Variants in CALCOCO1 observed in about 807,000 individuals in gnomAD.
CALCOCO1 encodes the protein calcium-binding and coiled-coil domain-containing protein 1.
Under a neutral mutation model 86.3 loss-of-function variants are expected in CALCOCO1, and 44 were observed. That is an observed-to-expected ratio of 0.51 (90% CI 0.40 to 0.66). The LOEUF (loss-of-function observed/expected upper bound fraction) is 0.66. CALCOCO1 is among the 30% of genes least tolerant of loss of function. CALCOCO1 has a pLI of 0.00. For missense variants in CALCOCO1, 708 were observed against 851.1 expected (o/e 0.83, Z 2.09); for synonymous variants, 297 against 327.6 (o/e 0.91, Z 1.01).
intron 10 of CALCOCO1, 123 bp from the exon 11 acceptor site, chr12:53,714,816 G>GAA: frequency 1.5e-6 from 1 of 654,928 alleles, no homozygotes; most frequent in African/African-American, 1.8e-5. Context: ...TCCCTGCTCT[G>GAA]ACACACACAC....
In CALCOCO1 at chr12:53,724,754, A is replaced by C; in HGVS notation, c.157-7T>G. 6.2e-7 allele frequency: 1 copy of C among 1,607,852 alleles called. No individual in the cohort carries two copies. The highest frequency in any genetic ancestry group is 8.5e-7 in the Non-Finnish European group (1 of 1,176,062). ...GAACACAGGCAGCCTCCACCTGTGA[A>C]AGCCCAAGGTTGGAGAAAGGTATGG... is the stretch of plus-strand genomic sequence containing the variant. On this transcript the variant is annotated splice_polypyrimidine_tract_variant and splice_region_variant and intron_variant, in intron 2 of 14. Coordinates refer to ENST00000550804, the MANE Select transcript of CALCOCO1 (RefSeq NM_020898.3).
chr12:53,712,204 T>C (rs1484446007), intron 14 of CALCOCO1, 83 bp from the exon 15 acceptor site: 11 of 1,263,784 alleles, frequency 8.7e-6, no homozygotes, highest in Admixed American at 4.7e-5. Context: ...GCAGGACCCA[T>C]GTGCCTGGGT....
rs7310848 is a variant in CALCOCO1 at position 53,721,452 on chromosome 12, G to T, written c.758+15C>A. ...GAAGGGAGAGGAAGTGACGGGGTCAGTGGACTCCCCTCACCTGTCCAGCTC... is the reference window on the plus strand; with the variant it reads ...GAAGGGAGAGGAAGTGACGGGGTCATTGGACTCCCCTCACCTGTCCAGCTC... On this transcript the variant is annotated intron_variant, in intron 6 of 14. Coordinates refer to ENST00000550804, the MANE Select transcript of CALCOCO1 (RefSeq NM_020898.3). 6.3e-7 allele frequency: 1 copy of T among 1,587,644 alleles called. No individual in the cohort carries two copies. Among genetic ancestry groups the T allele is most frequent in the Non-Finnish European group, 8.5e-7 (1 of 1,169,778 alleles).
rs1327050322 is a variant in CALCOCO1, at chr12:53,714,690, G to C, written c.1390C>G (p.Gln464Glu). The C allele has an allele frequency of 6.2e-7, 1 of 1,611,822 alleles. No homozygotes were observed. Among genetic ancestry groups the C allele is most frequent in the Non-Finnish European group, 8.5e-7 (1 of 1,178,564 alleles). Reference sequence around the variant, plus strand: ...AGCTCCCGCTTACTTTCTGACAACTGTACCTGAGGGAAGAGGGCCCAATGG... The same window carrying C: ...AGCTCCCGCTTACTTTCTGACAACTCTACCTGAGGGAAGAGGGCCCAATGG... Reference protein sequence around the residue: ...LAREKDSSLVQLSESKRELTE... With the variant: ...LAREKDSSLVELSESKRELTE... Residue 464 changes from glutamine to glutamate, a missense_variant, in exon 11 of 15, where the codon CAG (glutamine) becomes GAG (glutamate). Coordinates refer to ENST00000550804, the MANE Select transcript of CALCOCO1 (RefSeq NM_020898.3).
At chr12:53,715,117 G>A in intron 10 of CALCOCO1, 83 bp downstream of exon 10, 1 of 1,518,302 alleles carries the variant, frequency 6.6e-7, no homozygotes, top group South Asian at 1.3e-5. Flanking sequence ...TAGCACTTCT[G>A]AGCCCATACC....
At chr12:53,718,307 G>A (rs1041334509) in intron 7 of CALCOCO1, among the ~76,000 whole-genome samples, 9 of 152,100 alleles carry the variant, frequency 5.9e-5, no homozygotes, top group Admixed American at 3.9e-4. Context: ...AACAGTCTTC[G>A]ATAGCCTCTC....
At chr12:53,722,848 C>T in intron 4 of CALCOCO1, 1 of 410,158 alleles carries the variant, frequency 2.4e-6, no homozygotes, top group South Asian at 1.8e-5. Context: ...AAATGAGAAT[C>T]ACGATTGTGA....
Position 53,724,879 on chromosome 12 carries a change from G to A in CALCOCO1, c.157-132C>T, listed in dbSNP as rs572976200. ...GCAACAATGACAAGAGAAAGGGAAAGTGGAGGGACACTAATGTGTCAGTAA... is the reference window on the plus strand; with the variant it reads ...GCAACAATGACAAGAGAAAGGGAAAATGGAGGGACACTAATGTGTCAGTAA... On this transcript the variant is annotated intron_variant, in intron 2 of 14. Coordinates refer to ENST00000550804, the MANE Select transcript of CALCOCO1 (RefSeq NM_020898.3). The A allele has an allele frequency of 2.6e-4, 216 of 837,494 alleles. No homozygotes were observed. In the East Asian group the frequency reaches 5.1e-3, roughly 20 times the overall value. The allele number at this position is 837,494 out of a possible 1,614,324, so 51.9% of individuals were successfully genotyped here.
At chr12:53,723,846 C>A in intron 3 of CALCOCO1, 63 bp from the exon 4 acceptor site, 2 of 1,437,884 alleles carry the variant, frequency 1.4e-6, no homozygotes, top group South Asian at 1.3e-5. Flanking sequence ...CAGCCCCTTG[C>A]TCGGTGTTCC....
intron 11 of CALCOCO1, 120 bp from the exon 12 acceptor site, chr12:53,714,361 A>G: frequency 2.6e-6 from 2 of 756,442 alleles, no homozygotes; most frequent in Non-Finnish European, 4.4e-6. Context: ...CCTTCAGCAA[A>G]GATTGGGGCA....
rs1304950071 is a variant in CALCOCO1 at position 53,712,024 on chromosome 12, C to T, written c.1996G>A (p.Glu666Lys). ...TCCTCCAGGGCATCCTTGTCACTCT[C>T]AGCAGGAAAGCGCTCCTTACAGATA... ...CPICKERFPA[E>K]SDKDALEDHM... The change falls in exon 15 of 15, where the codon GAG becomes AAG. Residue 666 changes from glutamate to lysine, a missense_variant. Glu to Lys is a moderately conservative substitution (Grantham distance 56, BLOSUM62 1). Transcript: ENST00000550804. The T allele has an allele frequency of 1.9e-6, 3 of 1,611,416 alleles. No individual in the cohort carries two copies. The highest frequency in any genetic ancestry group is 2.5e-6 in the Non-Finnish European group (3 of 1,178,882).
chr12:53,716,316 G>T lies in CALCOCO1; in HGVS notation c.949C>A (p.Leu317Met). 6.2e-7 allele frequency: 1 copy of T among 1,614,102 alleles called. No individual in the cohort carries two copies. ...TTCATCTGGGCCACCTTGTCTTTCA[G>T]TCGCTGAGCCTGAGCACTCTGCTCC... ...QEEQSAQAQR[L>M]KDKVAQMKDT... Residue 317 changes from leucine to methionine, a missense_variant, in exon 8 of 15, where the codon CTG (leucine) becomes ATG (methionine). Physicochemically the swap from Leu to Met is conservative, Grantham distance 15. Transcript: ENST00000550804.
chr12:53,712,763 C>T, intron 14 of CALCOCO1: 1 of 1,314,298 alleles, frequency 7.6e-7, no homozygotes, highest in Non-Finnish European at 9.9e-7. Flanking sequence ...CCGGAGGACC[C>T]TAGGTACCTA....
In CALCOCO1 at chr12:53,712,207, G is replaced by A. The variant is rs1565640044; in HGVS notation, c.1899-86C>T. The A allele has an allele frequency of 2.4e-6, 3 of 1,242,152 alleles. No homozygotes were observed. The South Asian group carries it at 4.4e-5, about 18-fold the overall frequency. 76.9% of individuals were successfully genotyped at this position (1,242,152 alleles called of 1,614,324 possible). A position where few individuals can be genotyped will look rare whatever the true frequency, so the allele number is the denominator to read the frequency against. On this transcript the variant is annotated intron_variant, in intron 14 of 14. Coordinates refer to ENST00000550804, the MANE Select transcript of CALCOCO1 (RefSeq NM_020898.3). Reference sequence around the variant, plus strand: ...AGACTTCGGAGAGCAGGACCCATGTGCCTGGGTTCCCAGGTTATCCTGTGC... The same window carrying A: ...AGACTTCGGAGAGCAGGACCCATGTACCTGGGTTCCCAGGTTATCCTGTGC...
At chr12:53,719,935 C>T (rs1459932497) in intron 6 of CALCOCO1, 106 bp from the exon 7 acceptor site, 2 of 673,474 alleles carry the variant, frequency 3.0e-6, no homozygotes, top group Non-Finnish European at 5.1e-6. Flanking sequence ...GCCCAGAGCT[C>T]CATTTCACTC....
chr12:53,721,413 G>A (rs1314180608), intron 6 of CALCOCO1, 54 bp downstream of exon 6: 15 of 1,509,102 alleles, frequency 9.9e-6, no homozygotes, highest in African/African-American at 4.2e-5. Flanking sequence ...GGGGGCTGGA[G>A]TGCGGGGGTC....
rs775995328 is a variant in CALCOCO1 at position 53,725,204 on chromosome 12, A to G, written c.39T>C (p.Gly13=). The change falls in exon 2 of 15, where the codon GGT becomes GGC. Residue 13 remains glycine (G), a synonymous_variant. Coordinates refer to ENST00000550804, the MANE Select transcript of CALCOCO1 (RefSeq NM_020898.3). The stretch of plus-strand genomic sequence containing the variant: ...GGGCTACATTGAGAAAGTTGACTCC[A>G]CCACGGGATGGTGCCCGGCTTAGTG... The part of the protein sequence containing the change: ...ESPLSRAPSR[G]GVNFLNVART... 9.9e-6 allele frequency: 16 copies of G among 1,611,236 alleles called. No homozygotes were observed. Among genetic ancestry groups the G allele is most frequent in the South Asian group, 2.2e-5 (2 of 90,692 alleles).
rs760090977 is a variant in CALCOCO1 at position 53,723,685 on chromosome 12, C to T, written c.358G>A (p.Glu120Lys). 6.2e-7 allele frequency: 1 copy of T among 1,614,078 alleles called. No individual in the cohort carries two copies. Among genetic ancestry groups the T allele is most frequent in the Non-Finnish European group, 8.5e-7 (1 of 1,180,044 alleles). ...ACCAGTTCATCCATGGGCCTTGGCT[C>T]TCGGAACTGGAAAGGGGGGCTCTGC... The part of the protein sequence containing the change: ...CGQSPPFQFR[E>K]PRPMDELVTL... Residue 120 changes from glutamate to lysine, a missense_variant, in exon 4 of 15, where the codon GAG becomes AAG. By Grantham distance (56) the Glu-to-Lys change is moderately conservative. Transcript: ENST00000550804.
chr12:53,715,132 A>G (rs1945687491), intron 10 of CALCOCO1, 68 bp downstream of exon 10: 2 of 1,564,718 alleles, frequency 1.3e-6, no homozygotes, highest in South Asian at 2.4e-5. Flanking sequence ...CATACCCAAG[A>G]CAGAGAGAAG....
Sources: allele counts gnomAD v4.1 joint callset (sites outside exome capture counted in the v4.1 genomes callset), GRCh38; gene constraint gnomAD v4.1.1; transcripts MANE v1.5; gene names NCBI Gene and HGNC (gene_info 2026-07-23, HGNC 2026-07-21).